SNTG1: variants seen among roughly 807,000 people sequenced by gnomAD.
The protein encoded by SNTG1 is gamma-1-syntrophin.
In SNTG1, 39 loss-of-function variants were observed where a neutral mutation model predicts 74.7. The observed-to-expected ratio is 0.52, with a 90% CI of 0.40 to 0.68. SNTG1 has a LOEUF of 0.68. Ranked by LOEUF, SNTG1 falls within the 30% of genes least tolerant of loss-of-function variation. The pLI, the probability that SNTG1 is intolerant of heterozygous loss-of-function variation, is 0.00. For synonymous variants in SNTG1, 254 were observed against 217.1 expected (o/e 1.17, Z -1.49); for missense variants, 685 against 609.5 (o/e 1.12, Z -1.30).
chr8:50,419,029 G>A (rs961036379), intron 4 of SNTG1, among the ~76,000 whole-genome samples: 2 of 151,988 alleles, frequency 1.3e-5, no homozygotes, highest in Non-Finnish European at 2.9e-5. Context: ...AATACCATAA[G>A]GCTCTGAAAG....
chr8:50,379,182 G>A (rs2092439557), intron 2 of SNTG1, among the ~76,000 whole-genome samples: 1 of 152,222 alleles, frequency 6.6e-6, no homozygotes, highest in African/African-American at 2.4e-5. Context: ...TGGTGTGGCA[G>A]CATTGCCTTG....
chr8:50,249,953 G>A (rs1162718514), intron 2 of SNTG1, among the ~76,000 whole-genome samples: 1 of 151,928 alleles, frequency 6.6e-6, no homozygotes, highest in Non-Finnish European at 1.5e-5. Context: ...AGGGTTCTTT[G>A]TCTCTAGCAA....
chr8:50,400,034 G>T (rs2092781938), intron 3 of SNTG1, among the ~76,000 whole-genome samples: 1 of 152,190 alleles, frequency 6.6e-6, no homozygotes, highest in Non-Finnish European at 1.5e-5. Flanking sequence ...AAAAGAGTGT[G>T]CATCAGCACA....
intron 12 of SNTG1, among the ~76,000 whole-genome samples, chr8:50,563,583 A>T (rs2094499995): frequency 6.6e-6 from 1 of 152,066 alleles, no homozygotes; most frequent in Non-Finnish European, 1.5e-5. Flanking sequence ...AATTTTTTTT[A>T]AATAAATTTT....
At chr8:50,197,229 C>T (rs904901889) in intron 2 of SNTG1, among the ~76,000 whole-genome samples, 4 of 152,186 alleles carry the variant, frequency 2.6e-5, no homozygotes, top group African/African-American at 9.6e-5. Context: ...TCACCACTGG[C>T]CTATGCAAGG....
chr8:50,317,627 A>T (rs1233586935), intron 2 of SNTG1, among the ~76,000 whole-genome samples: 1 of 152,186 alleles, frequency 6.6e-6, no homozygotes, highest in Non-Finnish European at 1.5e-5. Context: ...GAAGGAGAGG[A>T]ATCCTACCAT....
chr8:50,204,424 C>A (rs1041874853), intron 2 of SNTG1, among the ~76,000 whole-genome samples: 3 of 151,858 alleles, frequency 2.0e-5, no homozygotes, highest in African/African-American at 7.3e-5. Context: ...GTGTCTGTAC[C>A]TTGCCAGACA....
At chr8:50,785,259 T>C (rs936750936) in intron 18 of SNTG1, among the ~76,000 whole-genome samples, 4 of 151,824 alleles carry the variant, frequency 2.6e-5, no homozygotes, top group Non-Finnish European at 4.4e-5. Context: ...AATTTAGTTT[T>C]TTAAAAAGGT....
At chr8:50,440,362 A>AT (rs1433597168) in intron 5 of SNTG1, among the ~76,000 whole-genome samples, 1 of 151,762 alleles carries the variant, frequency 6.6e-6, no homozygotes, top group Non-Finnish European at 1.5e-5. Context: ...TCATTTTTCT[A>AT]TTTTTTAAAC....
At position 50,564,238 on chromosome 8, in the gene SNTG1, G is replaced by A. The variant is rs566334931; in HGVS notation, c.810+11059G>A. ...ATGTAGAAGCCCTTTAGAATAAGTAGAGTGATAATATAATTAACTTTGTAT... is the reference window on the plus strand; with the variant it reads ...ATGTAGAAGCCCTTTAGAATAAGTAAAGTGATAATATAATTAACTTTGTAT... On this transcript the variant is annotated intron_variant, in intron 12 of 18. Coordinates refer to ENST00000642720, the MANE Select transcript of SNTG1 (RefSeq NM_018967.5). Among the ~76,000 whole-genome samples the A allele has an allele frequency of 6.6e-5, 10 of 151,906 alleles. No individual in the cohort carries two copies. The South Asian group carries it at 2.1e-3, about 32-fold the overall frequency.
At chr8:49,996,837 A>G (rs1814268455) in intron 1 of SNTG1, among the ~76,000 whole-genome samples, 1 of 57,960 alleles carries the variant, frequency 1.7e-5, no homozygotes, top group South Asian at 4.8e-4. Context: ...CCAAGATAGA[A>G]GCTCATAATT....
chr8:50,692,830 T>C (rs1425723630), intron 15 of SNTG1, among the ~76,000 whole-genome samples: 1 of 152,222 alleles, frequency 6.6e-6, no homozygotes, highest in African/African-American at 2.4e-5. Flanking sequence ...TTTTGTTTGT[T>C]TGTGCCCTGC....
chr8:50,618,611 G>A (rs1334014654), intron 13 of SNTG1, among the ~76,000 whole-genome samples: 2 of 152,200 alleles, frequency 1.3e-5, no homozygotes, highest in East Asian at 3.9e-4. Context: ...CAATCAAGTT[G>A]TTTGTCAGAC....
intron 4 of SNTG1, 112 bp from the exon 5 acceptor site, chr8:50,438,431 T>C: frequency 1.3e-6 from 1 of 785,754 alleles, no homozygotes; most frequent in East Asian, 2.7e-5. Context: ...AGTTCTCTTT[T>C]GTTTTAAAGA....
intron 1 of SNTG1, among the ~76,000 whole-genome samples, chr8:50,112,626 G>C (rs71511982): frequency 1.4e-5 from 2 of 141,388 alleles, no homozygotes; most frequent in Admixed American, 7.8e-5. Flanking sequence ...AGGTTCAAGA[G>C]AGTCTTCTGC....
At chr8:50,267,799 C>G (rs2087560610) in intron 2 of SNTG1, among the ~76,000 whole-genome samples, 1 of 152,110 alleles carries the variant, frequency 6.6e-6, no homozygotes, top group Non-Finnish European at 1.5e-5. Context: ...TTAATGAGAA[C>G]TAACTCAATA....
At chr8:50,153,135 C>T (rs551662295) in intron 1 of SNTG1, among the ~76,000 whole-genome samples, 20 of 152,284 alleles carry the variant, frequency 1.3e-4, no homozygotes, top group Non-Finnish European at 4.4e-5. Context: ...AACTTCTCTT[C>T]TCACTTCATT....
intron 15 of SNTG1, among the ~76,000 whole-genome samples, chr8:50,672,944 A>C (rs2095291838): frequency 6.6e-6 from 1 of 152,210 alleles, no homozygotes; most frequent in South Asian, 2.1e-4. Context: ...TAAATAGGGA[A>C]TCCTTTTCCC....
chr8:50,562,829 T>C (rs916655452), intron 12 of SNTG1, among the ~76,000 whole-genome samples: 6 of 152,216 alleles, frequency 3.9e-5, no homozygotes, highest in Non-Finnish European at 8.8e-5. Context: ...CGTTATTAAT[T>C]AGTCCCAGTG....
Sources: gnomAD v4.1 joint callset for allele counts (sites outside exome capture counted in the v4.1 genomes callset) on GRCh38, gnomAD v4.1.1 for gene constraint, MANE v1.5 for transcripts, NCBI Gene and HGNC (gene_info 2026-07-23, HGNC 2026-07-21) for gene names.